The following EPM2A variants were observed in gnomAD, a reference collection of about 807,000 sequenced individuals.
The protein encoded by EPM2A is EPM2A glucan phosphatase, laforin.
EPM2A carries 21 observed loss-of-function variants against 26.5 expected under a neutral mutation model. That is an observed-to-expected ratio of 0.79 (90% confidence interval 0.56 to 1.14). EPM2A has a LOEUF of 1.14. Ranked by LOEUF, EPM2A falls within the 50% of genes most tolerant of loss-of-function variation. The pLI, the probability that EPM2A is intolerant of heterozygous loss-of-function variation, is 0.00. For missense variants in EPM2A, 458 were observed against 440.8 expected (o/e 1.04, Z -0.35); for synonymous variants, 217 against 177.6 (o/e 1.22, Z -1.76).
chr6:145,398,970 C>T (rs188086722), intron 4 of EPM2A, among the ~76,000 whole-genome samples: 241 of 152,106 alleles, frequency 1.6e-3, no homozygotes, highest in African/African-American at 5.3e-3. Flanking sequence ...CTTGCACACC[C>T]AAATATTACC....
chr6:145,419,641 CTT>C (rs1778756427), intron 4 of EPM2A, among the ~76,000 whole-genome samples: 1 of 152,118 alleles, frequency 6.6e-6, no homozygotes. Flanking sequence ...ACTTGTCTAT[CTT>C]TGACACATTA....
intron 2 of EPM2A, among the ~76,000 whole-genome samples, chr6:145,571,218 T>C (rs866189387): frequency 1.3e-5 from 2 of 152,166 alleles, no homozygotes. Context: ...ATTCAGAGCA[T>C]ACACGGCCTC....
intron 2 of EPM2A, among the ~76,000 whole-genome samples, chr6:145,507,773 A>AT (rs1431894665): frequency 3.3e-5 from 5 of 152,164 alleles, no homozygotes; most frequent in Non-Finnish European, 5.9e-5. Flanking sequence ...AGATGCTAGA[A>AT]TTAGGCTCTC....
intron 2 of EPM2A, among the ~76,000 whole-genome samples, chr6:145,645,872 T>G (rs1350688523): frequency 6.6e-6 from 1 of 152,052 alleles, no homozygotes; most frequent in East Asian, 1.9e-4. Flanking sequence ...AGGATTATAA[T>G]AGGCGTGAGC....
intron 1 of EPM2A, among the ~76,000 whole-genome samples, chr6:145,703,147 C>T (rs978605237): frequency 2.7e-5 from 4 of 146,480 alleles, no homozygotes; most frequent in Admixed American, 2.1e-4. Context: ...TGCTAGAGTG[C>T]AGTGGCACCA....
At chr6:145,543,811 T>C (rs1432055220) in intron 2 of EPM2A, among the ~76,000 whole-genome samples, 1 of 152,106 alleles carries the variant, frequency 6.6e-6, no homozygotes, top group Non-Finnish European at 1.5e-5. Flanking sequence ...TCCCCCTAGA[T>C]TTCCAAGAAC....
In EPM2A at chr6:145,475,844, A is replaced by T. The variant is rs551432173; in HGVS notation, c.555+26678T>A. ...GAAACTAAATAATATCACCAGAGAA[A>T]ATCATCTTTACTAGAAGAAGACAGA... On this transcript the variant is annotated intron_variant, in intron 4 of 4. Coordinates refer to the EPM2A transcript ENST00000638717. Among the ~76,000 whole-genome samples, 83 of 152,170 alleles carry T rather than the reference A, an allele frequency of 5.5e-4. 2 individuals are homozygous for T. The South Asian group carries it at 0.015, about 27-fold the overall frequency.
chr6:145,491,658 G>C, intron 4 of EPM2A: 2 of 390,726 alleles, frequency 5.1e-6, no homozygotes, highest in Non-Finnish European at 1.0e-5. Context: ...CTCTCACTTT[G>C]GGTTGCTGTC....
chr6:145,585,492 A>G (rs1277178708), intron 2 of EPM2A, among the ~76,000 whole-genome samples: 1 of 152,106 alleles, frequency 6.6e-6, no homozygotes, highest in Non-Finnish European at 1.5e-5. Flanking sequence ...TTCTTCTGCA[A>G]TGTCGAATAC....
chr6:145,510,518 G>A (rs906233117), intron 2 of EPM2A, among the ~76,000 whole-genome samples: 4 of 151,972 alleles, frequency 2.6e-5, no homozygotes, highest in African/African-American at 9.7e-5. Context: ...AATTAAGGCA[G>A]AAATGACAAA....
At chr6:145,592,513 T>C (rs969728890) in intron 2 of EPM2A, among the ~76,000 whole-genome samples, 2 of 152,188 alleles carry the variant, frequency 1.3e-5, no homozygotes, top group Non-Finnish European at 2.9e-5. Context: ...TATAATCCTT[T>C]GGGTATATAC....
At chr6:145,705,582 G>A (rs1345013901) in intron 1 of EPM2A, 2 of 456,124 alleles carry the variant, frequency 4.4e-6, no homozygotes, top group Admixed American at 2.4e-5. Flanking sequence ...AAAAAGTGCA[G>A]GGGTTTGATT....
intron 4 of EPM2A, among the ~76,000 whole-genome samples, chr6:145,457,170 T>G (rs1246037936): frequency 6.6e-6 from 1 of 152,220 alleles, no homozygotes; most frequent in Non-Finnish European, 1.5e-5. Flanking sequence ...AAAGTTTTTC[T>G]GCTAATAAGT....
intron 1 of EPM2A, among the ~76,000 whole-genome samples, chr6:145,715,687 T>G (rs1775578933): frequency 6.6e-6 from 1 of 152,060 alleles, no homozygotes; most frequent in Non-Finnish European, 1.5e-5. Context: ...AGCAGCACAG[T>G]AGATTCTCAT....
rs531949548 is a variant in EPM2A, at chr6:145,603,821, A to G, written c.340+31424T>C. On this transcript the variant is annotated intron_variant, in intron 2 of 3. Transcript: ENST00000450221. ...TCTATGCCATTAACTGGAAATTAGT[A>G]TCTCTGCCATGAATCCCAAATGGCT... 3.3e-5 allele frequency among the ~76,000 whole-genome samples: 5 copies of G among 152,306 alleles called. No homozygotes were observed. The East Asian group carries it at 5.8e-4, about 18-fold the overall frequency.
chr6:145,531,209 T>C (rs1665059268), intron 2 of EPM2A, among the ~76,000 whole-genome samples: 1 of 152,202 alleles, frequency 6.6e-6, no homozygotes, highest in African/African-American at 2.4e-5. Flanking sequence ...GTGGGCAGGA[T>C]GGCTCCCTGC....
chr6:145,696,488 T>C (rs1333744166), intron 1 of EPM2A, among the ~76,000 whole-genome samples: 1 of 152,054 alleles, frequency 6.6e-6, no homozygotes, highest in Admixed American at 6.6e-5. Flanking sequence ...ATTTACTTAT[T>C]CCACATATAT....
intron 2 of EPM2A, among the ~76,000 whole-genome samples, chr6:145,669,169 G>C (rs1446294958): frequency 2.0e-5 from 3 of 150,822 alleles, no homozygotes; most frequent in African/African-American, 7.3e-5. Context: ...CTTAGAAAAA[G>C]GAAGACAGGA....
intron 2 of EPM2A, among the ~76,000 whole-genome samples, chr6:145,503,935 C>T (rs376220713): frequency 2.0e-4 from 10 of 49,770 alleles, no homozygotes; most frequent in East Asian, 7.4e-4. Context: ...TCAGAAATAA[C>T]GCCGCATATC....
Sources: allele counts gnomAD v4.1 joint callset (sites outside exome capture counted in the v4.1 genomes callset), GRCh38; gene constraint gnomAD v4.1.1; transcripts MANE v1.5; gene names NCBI Gene and HGNC (gene_info 2026-07-23, HGNC 2026-07-21).